The following SPOCK3 variants were observed in gnomAD, a reference collection of about 807,000 sequenced individuals.
The protein encoded by SPOCK3 is testican-3.
SPOCK3 carries 30 observed loss-of-function variants against 56.6 expected under a neutral mutation model. That is an observed-to-expected ratio of 0.53 (90% CI 0.40 to 0.72). The LOEUF (loss-of-function observed/expected upper bound fraction) is 0.72. Among genes scored for constraint, SPOCK3 ranks in the 30% least tolerant of loss-of-function variants. The pLI, the probability that SPOCK3 is intolerant of heterozygous loss-of-function variation, is 0.00. For missense variants in SPOCK3, 527 were observed against 530.0 expected, an observed-to-expected ratio of 0.99 and a Z score of 0.06; for synonymous variants, 196 against 183.3, an observed-to-expected ratio of 1.07 and a Z score of -0.56.
chr4:166,902,262 T>A (rs1736131162), intron 5 of SPOCK3, among the ~76,000 whole-genome samples: 1 of 152,146 alleles, frequency 6.6e-6, no homozygotes, highest in African/African-American at 2.4e-5. Flanking sequence ...GTAGGTAATA[T>A]GGCTTTTTTG....
chr4:167,110,825 G>A (rs1273526162), intron 2 of SPOCK3, among the ~76,000 whole-genome samples: 2 of 151,932 alleles, frequency 1.3e-5, no homozygotes, highest in Non-Finnish European at 2.9e-5. Flanking sequence ...GTAACCACTA[G>A]TGAATGTTCC....
At chr4:166,793,256 C>T (rs923046836) in intron 6 of SPOCK3, among the ~76,000 whole-genome samples, 1 of 151,716 alleles carries the variant, frequency 6.6e-6, no homozygotes, top group Non-Finnish European at 1.5e-5. Flanking sequence ...TTAATATATA[C>T]CATATACATT....
intron 2 of SPOCK3, among the ~76,000 whole-genome samples, chr4:167,193,713 A>G (rs1732676263): frequency 6.9e-6 from 1 of 145,758 alleles, no homozygotes; most frequent in African/African-American, 2.6e-5. Context: ...TCAGGCCTGC[A>G]ATGTTTCTGC....
intron 2 of SPOCK3, among the ~76,000 whole-genome samples, chr4:167,140,511 A>T (rs1348012314): frequency 6.6e-6 from 1 of 151,996 alleles, no homozygotes; most frequent in Non-Finnish European, 1.5e-5. Context: ...ATCTGCCTGA[A>T]GAAAGTTTCT....
intron 2 of SPOCK3, among the ~76,000 whole-genome samples, chr4:167,072,561 T>C (rs1267309831): frequency 6.6e-6 from 1 of 151,990 alleles, no homozygotes; most frequent in Non-Finnish European, 1.5e-5. Context: ...AAATCTTTTG[T>C]TGAGATGGAG....
At chr4:167,090,807 T>G (rs1758637947) in intron 2 of SPOCK3, among the ~76,000 whole-genome samples, 1 of 152,112 alleles carries the variant, frequency 6.6e-6, no homozygotes, top group South Asian at 2.1e-4. Context: ...TCAGCTGACA[T>G]GAATATTTTG....
chr4:167,141,078 G>A (rs1183044918), intron 2 of SPOCK3, among the ~76,000 whole-genome samples: 3 of 151,940 alleles, frequency 2.0e-5, no homozygotes, highest in Non-Finnish European at 4.4e-5. Context: ...GGCCTCCTGA[G>A]AAGCTCTATG....
At chr4:166,831,758 G>T (rs113735016) in intron 6 of SPOCK3, among the ~76,000 whole-genome samples, 2,467 of 49,994 alleles carry the variant, frequency 0.049, 38 homozygotes, top group Non-Finnish European at 0.1. Context: ...CTCCATTTTT[G>T]TTTTTTTTTT....
chr4:166,929,246 T>C (rs1251534982), intron 4 of SPOCK3, among the ~76,000 whole-genome samples: 2 of 152,176 alleles, frequency 1.3e-5, no homozygotes, highest in Non-Finnish European at 2.9e-5. Context: ...TGTTCTGGTT[T>C]GAATTGATGG....
At chr4:166,767,063 T>C (rs1165398652) in intron 7 of SPOCK3, among the ~76,000 whole-genome samples, 2 of 152,202 alleles carry the variant, frequency 1.3e-5, no homozygotes, top group Non-Finnish European at 2.9e-5. Flanking sequence ...ATTGCATCTA[T>C]TTGATTCTTC....
intron 2 of SPOCK3, among the ~76,000 whole-genome samples, chr4:167,175,527 C>G (rs1730910155): frequency 6.6e-6 from 1 of 152,080 alleles, no homozygotes; most frequent in African/African-American, 2.4e-5. Flanking sequence ...TTATTTGAAG[C>G]CAGGATCTTT....
In SPOCK3 at chr4:166,746,696, C is replaced by G. The variant is rs372711204; in HGVS notation, c.932-4637G>C. Among the ~76,000 whole-genome samples, 37 of 152,172 alleles carry G rather than the reference C, an allele frequency of 2.4e-4. No homozygotes were observed. The East Asian group carries it at 4.8e-3, about 20-fold the overall frequency. ...TTCAAAAAATCAATGAATCCAGGAG[C>G]TGGTTTTTTGAAAGGATCAACAAAA... On this transcript the variant is annotated intron_variant, in intron 8 of 10. Coordinates refer to ENST00000357545, the MANE Select transcript of SPOCK3 (RefSeq NM_001040159.2).
At chr4:167,205,290 T>C (rs1296583024) in intron 2 of SPOCK3, among the ~76,000 whole-genome samples, 1 of 50,680 alleles carries the variant, frequency 2.0e-5, no homozygotes, top group African/African-American at 6.8e-5. Flanking sequence ...ATATATATTT[T>C]ATATCTATAA....
rs1734042550 is a variant in SPOCK3, at chr4:166,734,696, T to C, written c.*225A>G. On this transcript the variant is annotated 3_prime_UTR_variant, in exon 11 of 11. Coordinates refer to ENST00000357545, the MANE Select transcript of SPOCK3 (RefSeq NM_001040159.2). ...AAAACTTTATTTTGTCTGACTAGAC[T>C]GCATATGTATTTTCTTTTTGTGTAA... 2 of 414,210 alleles carry C rather than the reference T, an allele frequency of 4.8e-6. No individual in the cohort carries two copies. Among genetic ancestry groups the C allele is most frequent in the Non-Finnish European group, 8.5e-6 (2 of 235,882 alleles). 25.7% of individuals were successfully genotyped at this position (414,210 alleles called of 1,614,324 possible). A position where few individuals can be genotyped will look rare whatever the true frequency, so the allele number is the denominator to read the frequency against.
At chr4:166,797,692 A>G (rs1362135641) in intron 6 of SPOCK3, among the ~76,000 whole-genome samples, 1 of 152,242 alleles carries the variant, frequency 6.6e-6, no homozygotes, top group East Asian at 1.9e-4. Context: ...AGAGATGCCA[A>G]TTTTGTAAAT....
chr4:166,792,141 G>A (rs1741423961), intron 7 of SPOCK3, 29 bp downstream of exon 7: 1 of 1,612,996 alleles, frequency 6.2e-7, no homozygotes, highest in African/African-American at 1.3e-5. Flanking sequence ...AACAGATACA[G>A]TAGCAATGAT....
chr4:167,205,318 A>ATTTATATATAAAATATATATATTATATAT (rs1734014005), intron 2 of SPOCK3, among the ~76,000 whole-genome samples: 1 of 48,554 alleles, frequency 2.1e-5, no homozygotes, highest in African/African-American at 9.2e-5. Flanking sequence ...TATATATTTT[A>ATTTATATATAAAATATATATATTATATAT]TATATATAAT....
At chr4:167,002,978 A>C (rs915654617) in intron 3 of SPOCK3, among the ~76,000 whole-genome samples, 2 of 152,158 alleles carry the variant, frequency 1.3e-5, no homozygotes, top group Non-Finnish European at 2.9e-5. Flanking sequence ...TCTTGGACTT[A>C]TGTTCTGAAA....
chr4:167,108,750 G>T (rs1760411296), intron 2 of SPOCK3, among the ~76,000 whole-genome samples: 1 of 150,832 alleles, frequency 6.6e-6, no homozygotes. Context: ...TGCTAGCACA[G>T]AACAGTAACT....
Sources: gnomAD v4.1 joint callset for allele counts (sites outside exome capture counted in the v4.1 genomes callset) on GRCh38, gnomAD v4.1.1 for gene constraint, MANE v1.5 for transcripts, NCBI Gene and HGNC (gene_info 2026-07-23, HGNC 2026-07-21) for gene names.